The following INPP5A variants were observed in gnomAD, a reference collection of about 807,000 sequenced individuals.
The protein encoded by INPP5A is 43 kDa inositol polyphosphate 5-phophatase.
A neutral mutation model predicts 65.2 loss-of-function variants in INPP5A; 14 were observed. The observed-to-expected ratio is 0.21, with a 90% CI of 0.14 to 0.34. INPP5A has a LOEUF of 0.34. Among genes scored for constraint, INPP5A ranks in the 10% least tolerant of loss-of-function variants. The pLI is 1.00. For synonymous variants in INPP5A, 207 were observed against 208.3 expected (o/e 0.99, Z 0.05); for missense variants, 431 against 545.6 (o/e 0.79, Z 2.09).
At position 132,704,921 on chromosome 10, in the gene INPP5A, C is replaced by G. The variant is rs1167981733; in HGVS notation, c.475-3392C>G. The stretch of plus-strand genomic sequence containing the variant: ...GATGGAGGAAGGGCGTCTGGACAGG[C>G]GGCAGGCAGCTCCTCTGGAGTGTGG... On this transcript the variant is annotated intron_variant, in intron 6 of 15. Transcript: ENST00000368594. The surrounding 1 kb of genome is among the most constrained non-coding windows in gnomAD (Gnocchi z 4.5). Among the ~76,000 whole-genome samples, 3 of 143,912 alleles carry G rather than the reference C, an allele frequency of 2.1e-5. No homozygotes were observed. The highest frequency in any genetic ancestry group is 7.7e-5 in the African/African-American group (3 of 38,974). The allele number at this position is 143,912 out of a possible 152,430, so 94.4% of individuals were successfully genotyped here.
intron 12 of INPP5A, among the ~76,000 whole-genome samples, chr10:132,774,629 G>A (rs1008176844): frequency 3.9e-5 from 6 of 152,210 alleles, no homozygotes; most frequent in Admixed American, 1.3e-4. Flanking sequence ...CGACATAGCC[G>A]GGCTTTTAAG....
At chr10:132,692,515 A>G (rs1235165334) in intron 5 of INPP5A, among the ~76,000 whole-genome samples, 4 of 152,332 alleles carry the variant, frequency 2.6e-5, no homozygotes, top group East Asian at 3.9e-4. Context: ...GCAGAAAATC[A>G]AAGAAAAAAG....
At position 132,753,842 on chromosome 10, in the gene INPP5A, C is replaced by G. The variant is rs1846541382; in HGVS notation, c.903+3997C>G. ...CTCCTGACAGATGGGCAGGATCAGCCGCTGCCTTGTCATTGTCCACACGGC... is the reference window on the plus strand; with the variant it reads ...CTCCTGACAGATGGGCAGGATCAGCGGCTGCCTTGTCATTGTCCACACGGC... On this transcript the variant is annotated intron_variant, in intron 11 of 15. Coordinates refer to ENST00000368594, the MANE Select transcript of INPP5A (RefSeq NM_005539.5). This position sits in a 1 kb window ranked among gnomAD's most constrained non-coding sequence, Gnocchi z 5.3. 6.6e-6 allele frequency: 1 copy of G among 152,192 alleles called. No individual in the cohort carries two copies. Among genetic ancestry groups the G allele is most frequent in the Admixed American group, 6.5e-5 (1 of 15,288 alleles). The allele number at this position is 152,192 out of a possible 1,614,324, so 9.4% of individuals were successfully genotyped here.
At chr10:132,605,366 G>C (rs1349941396) in intron 1 of INPP5A, among the ~76,000 whole-genome samples, 3 of 139,638 alleles carry the variant, frequency 2.1e-5, no homozygotes, top group African/African-American at 8.1e-5. Context: ...GGAGTGAGGG[G>C]GAAGCGGCTG....
chr10:132,606,314 G>A (rs1248568111), intron 1 of INPP5A, among the ~76,000 whole-genome samples: 3 of 152,018 alleles, frequency 2.0e-5, no homozygotes, highest in Non-Finnish European at 4.4e-5. Flanking sequence ...TGGGTCAGTC[G>A]CCTCCCCTCC....
intron 4 of INPP5A, among the ~76,000 whole-genome samples, chr10:132,656,224 A>G (rs2072654965): frequency 6.6e-6 from 1 of 152,230 alleles, no homozygotes; most frequent in Non-Finnish European, 1.5e-5. Context: ...CACCTGGAGG[A>G]ACTCCTAGAG....
chr10:132,629,815 G>T (rs1222401106), intron 2 of INPP5A, among the ~76,000 whole-genome samples: 1 of 152,040 alleles, frequency 6.6e-6, no homozygotes, highest in Non-Finnish European at 1.5e-5. Flanking sequence ...TGAGTGGAGG[G>T]TATCCATGAG....
Position 132,620,921 on chromosome 10 carries a change from A to C in INPP5A, c.117+12965A>C, listed in dbSNP as rs111696995. On this transcript the variant is annotated intron_variant, in intron 2 of 15. Transcript: ENST00000368594. ...ATTCCCCATGAAAATAAAGGCAAAA[A>C]TTATTTTCAATGTTGTAAATCAAGG... is the stretch of plus-strand genomic sequence containing the variant. Among the ~76,000 whole-genome samples the C allele has an allele frequency of 8.1e-3, 1,238 of 152,330 alleles. 15 individuals are homozygous for C. Among genetic ancestry groups the C allele is most frequent in the African/African-American group, 0.029 (1,187 of 41,570 alleles).
intron 5 of INPP5A, among the ~76,000 whole-genome samples, chr10:132,695,527 A>T (rs1203355078): frequency 6.6e-6 from 1 of 152,346 alleles, no homozygotes; most frequent in Middle Eastern, 3.4e-3. Flanking sequence ...AATAAAAGCC[A>T]TGTTGATGGG....
intron 1 of INPP5A, among the ~76,000 whole-genome samples, chr10:132,566,902 A>G (rs909272938): frequency 2.0e-5 from 3 of 152,240 alleles, no homozygotes; most frequent in African/African-American, 7.2e-5. Context: ...ACTTGCAAAT[A>G]TGATTGTGCA....
chr10:132,638,029 T>C (rs1436644931), intron 2 of INPP5A, among the ~76,000 whole-genome samples: 1 of 152,178 alleles, frequency 6.6e-6, no homozygotes, highest in African/African-American at 2.4e-5. Flanking sequence ...CCAAGTGCAT[T>C]CGCTGGCTTT....
chr10:132,714,997 G>A (rs1250520046), intron 8 of INPP5A, among the ~76,000 whole-genome samples: 1 of 152,218 alleles, frequency 6.6e-6, no homozygotes, highest in Non-Finnish European at 1.5e-5. Flanking sequence ...CTGGGGTCCT[G>A]GACCCTGGGT....
Position 132,651,044 on chromosome 10 carries a change from C to T in INPP5A, c.306+539C>T, listed in dbSNP as rs1024509405. 6.6e-6 allele frequency among the ~76,000 whole-genome samples: 1 copy of T among 152,154 alleles called. No individual in the cohort carries two copies. The highest frequency in any genetic ancestry group is 1.5e-5 in the Non-Finnish European group (1 of 68,016). On this transcript the variant is annotated intron_variant, in intron 4 of 15. Coordinates refer to ENST00000368594, the MANE Select transcript of INPP5A (RefSeq NM_005539.5). The surrounding 1 kb of genome is among the most constrained non-coding windows in gnomAD (Gnocchi z 5.0). ...AAAGACCTGTCCCTCCTCTGCGGTC[C>T]TCTGTCAGGTGGACACATGAGAGGG...
intron 1 of INPP5A, among the ~76,000 whole-genome samples, chr10:132,591,027 C>G (rs1411555652): frequency 6.6e-6 from 1 of 152,246 alleles, no homozygotes; most frequent in Non-Finnish European, 1.5e-5. Context: ...CCACTCCCAG[C>G]TTGGCGGGAG....
At chr10:132,768,984 G>A (rs1288436443) in intron 12 of INPP5A, among the ~76,000 whole-genome samples, 2 of 152,214 alleles carry the variant, frequency 1.3e-5, no homozygotes, top group African/African-American at 4.8e-5. Context: ...CCTCCATGGG[G>A]AGAGCCCGCA....
At chr10:132,607,566 G>A (rs2071874275) in intron 1 of INPP5A, among the ~76,000 whole-genome samples, 1 of 152,230 alleles carries the variant, frequency 6.6e-6, no homozygotes, top group Admixed American at 6.5e-5. Context: ...GTTGAAGCTG[G>A]GTTACTGGCT....
chr10:132,729,728 T>C (rs188797749), intron 9 of INPP5A, among the ~76,000 whole-genome samples: 2 of 152,308 alleles, frequency 1.3e-5, no homozygotes, highest in African/African-American at 4.8e-5. Context: ...GAAGCCAGAG[T>C]TCGAAGATTC....
intron 12 of INPP5A, among the ~76,000 whole-genome samples, chr10:132,766,685 TGTG>T (rs1264837262): frequency 2.0e-5 from 3 of 150,974 alleles, no homozygotes; most frequent in African/African-American, 7.3e-5. Flanking sequence ...TGTGTGCACA[TGTG>T]TGTGTGTTCA....
chr10:132,565,283 G>A (rs2071258310), intron 1 of INPP5A, among the ~76,000 whole-genome samples: 1 of 152,132 alleles, frequency 6.6e-6, no homozygotes, highest in South Asian at 2.1e-4. Context: ...CCAGTTTTAA[G>A]TCTGACCCTA....
Sources: gnomAD v4.1 joint callset for allele counts (sites outside exome capture counted in the v4.1 genomes callset) on GRCh38, gnomAD v4.1.1 for gene constraint, Gnocchi (gnomAD v3.1) non-coding constraint, MANE v1.5 for transcripts, NCBI Gene and HGNC (gene_info 2026-07-23, HGNC 2026-07-21) for gene names.